The following SHTN1 variants were observed in gnomAD, a reference collection of about 807,000 sequenced individuals.
SHTN1 encodes the protein shootin 1, also known as shootin-1.
In SHTN1, 42 loss-of-function variants were observed where a neutral mutation model predicts 83.1. The observed-to-expected ratio is 0.51, with a 90% CI of 0.39 to 0.65. The LOEUF is 0.65. Ranked by LOEUF, SHTN1 falls within the 30% of genes least tolerant of loss-of-function variation. The probability of loss-of-function intolerance (pLI) is 0.00; values close to 1 mark genes in which losing one functional copy is unlikely to be tolerated. For missense variants in SHTN1, 622 were observed against 737.8 expected (o/e 0.84, Z 1.82); for synonymous variants, 224 against 247.7 (o/e 0.90, Z 0.90).
intron 2 of SHTN1, among the ~76,000 whole-genome samples, chr10:117,032,484 A>G (rs1323019681): frequency 6.6e-6 from 1 of 152,154 alleles, no homozygotes; most frequent in African/African-American, 2.4e-5. Context: ...GATTACAGAC[A>G]TGAGCCACTG....
Position 117,005,157 on chromosome 10 carries a change from A to C in SHTN1, c.-78T>G, listed in dbSNP as rs1222755369. The C allele has an allele frequency of 2.6e-6, 4 of 1,549,208 alleles. No homozygotes were observed. Among genetic ancestry groups the C allele is most frequent in the Non-Finnish European group, 3.5e-6 (4 of 1,146,364 alleles). On this transcript the variant is annotated 5_prime_UTR_variant, in exon 1 of 17. Coordinates refer to ENST00000355371, the MANE Select transcript of SHTN1 (RefSeq NM_001127211.3). ...ACAGGAGGAGGGGGAAGAAAAAGCAAGATGCCGGTGGCTTGCGGCTCCACT... is the reference window on the plus strand; with the variant it reads ...ACAGGAGGAGGGGGAAGAAAAAGCACGATGCCGGTGGCTTGCGGCTCCACT...
Position 117,069,401 on chromosome 10 carries a change from G to A in SHTN1, c.-188-20891C>T, listed in dbSNP as rs556846699. 2.8e-3 allele frequency among the ~76,000 whole-genome samples: 430 copies of A among 152,196 alleles called. 2 individuals carry two copies. The highest frequency in any genetic ancestry group is 0.01 in the African/African-American group (416 of 41,534). ...ACTCTCAAGTGGCCTGGCTCTGAAG[G>A]GGAGGTGAGGAGAGCTGTAGCTAAA... On this transcript the variant is annotated intron_variant, in intron 1 of 17. Transcript: ENST00000392901.
In SHTN1 at chr10:116,963,157, C is replaced by T. The variant is rs1483293102; in HGVS notation, c.173-2927G>A. On this transcript the variant is annotated intron_variant, in intron 3 of 16. Coordinates refer to ENST00000355371, the MANE Select transcript of SHTN1 (RefSeq NM_001127211.3). ...CGCAATCTCGGCTCACTGCAAGCTC[C>T]GCCTCCCGGGTTCACGCCATTCTCC... Among the ~76,000 whole-genome samples the T allele has an allele frequency of 8.5e-5, 12 of 140,854 alleles. No individual in the cohort carries two copies. In the East Asian group the frequency reaches 1.1e-3, roughly 12 times the overall value. The allele number at this position is 140,854 out of a possible 152,430, so 92.4% of individuals were successfully genotyped here.
At chr10:116,963,378 A>G (rs1009727795) in intron 3 of SHTN1, among the ~76,000 whole-genome samples, 4 of 151,010 alleles carry the variant, frequency 2.6e-5, no homozygotes, top group South Asian at 2.1e-4. Context: ...GGCCATAATA[A>G]AAGTTTTTTA....
intron 2 of SHTN1, among the ~76,000 whole-genome samples, chr10:117,023,047 T>C (rs1343855167): frequency 1.3e-5 from 2 of 152,234 alleles, no homozygotes; most frequent in African/African-American, 2.4e-5. Context: ...TTAATTTGAC[T>C]TAAGAATTTA....
At position 116,979,970 on chromosome 10, in the gene SHTN1, A is replaced by T. The variant is rs529477049; in HGVS notation, c.59-662T>A. 7.3e-4 allele frequency among the ~76,000 whole-genome samples: 111 copies of T among 151,986 alleles called. 2 individuals carry two copies. The South Asian group carries it at 0.022, about 30-fold the overall frequency. ...CAGTCACGACCAGAAATTCAGACTC[A>T]TTTCACTAAATGGGGAAGATATGTT... On this transcript the variant is annotated intron_variant, in intron 1 of 16. Coordinates refer to ENST00000355371, the MANE Select transcript of SHTN1 (RefSeq NM_001127211.3).
chr10:116,971,318 T>TA (rs1274613315), intron 2 of SHTN1, among the ~76,000 whole-genome samples: 18 of 152,178 alleles, frequency 1.2e-4, no homozygotes, highest in Non-Finnish European at 2.5e-4. Context: ...CCATCCTCTG[T>TA]AAAAAATAAT....
intron 8 of SHTN1, among the ~76,000 whole-genome samples, chr10:116,941,890 T>G (rs1471064383): frequency 6.6e-6 from 1 of 152,226 alleles, no homozygotes; most frequent in Non-Finnish European, 1.5e-5. Flanking sequence ...TCAGAAGCTT[T>G]CCTTCTTTGC....
At chr10:117,076,955 G>T (rs1228893097) in intron 1 of SHTN1, among the ~76,000 whole-genome samples, 3 of 152,130 alleles carry the variant, frequency 2.0e-5, no homozygotes, top group African/African-American at 7.2e-5. Context: ...CCTTTAGTGT[G>T]CTGACTTTAT....
chr10:117,070,066 T>G (rs1427033988), intron 1 of SHTN1, among the ~76,000 whole-genome samples: 1 of 150,908 alleles, frequency 6.6e-6, no homozygotes, highest in Non-Finnish European at 1.5e-5. Flanking sequence ...AAATCCATAA[T>G]GAAGATGAAT....
rs754935679 is a variant in SHTN1, at chr10:116,881,526, G to C, written c.*4818C>G. ...GTTACTTTAAATAGGTTTCAAAGAAGAACACACTTTTTTTTACTTTAATGA... is the reference window on the plus strand; with the variant it reads ...GTTACTTTAAATAGGTTTCAAAGAACAACACACTTTTTTTTACTTTAATGA... On this transcript the variant is annotated 3_prime_UTR_variant, in exon 17 of 17. Transcript: ENST00000355371. 14 of 1,542,476 alleles carry C rather than the reference G, an allele frequency of 9.1e-6. No homozygotes were observed. The South Asian group carries it at 1.3e-4, about 15-fold the overall frequency.
intron 2 of SHTN1, among the ~76,000 whole-genome samples, chr10:116,969,799 G>A (rs995751237): frequency 6.6e-6 from 1 of 152,060 alleles, no homozygotes; most frequent in Non-Finnish European, 1.5e-5. Context: ...TTATTATAAG[G>A]ACTGAATTCA....
At chr10:116,914,979 G>C (rs1280233221) in intron 13 of SHTN1, among the ~76,000 whole-genome samples, 7 of 152,218 alleles carry the variant, frequency 4.6e-5, no homozygotes, top group African/African-American at 1.7e-4. Flanking sequence ...AGCAAGGCGA[G>C]GGTTTTCGCC....
intron 2 of SHTN1, 54 bp from the exon 3 acceptor site, chr10:116,968,766 G>T: frequency 7.1e-7 from 1 of 1,413,526 alleles, no homozygotes; most frequent in South Asian, 1.2e-5. Flanking sequence ...TTTTAAGTTT[G>T]AAAAGGCAAG....
intron 2 of SHTN1, among the ~76,000 whole-genome samples, chr10:117,024,348 CTTTT>C (rs1174576153): frequency 0.022 from 1,708 of 77,652 alleles, 24 homozygotes; most frequent in South Asian, 0.075. Flanking sequence ...CAAAACTTTT[CTTTT>C]TTTTTTTTTT....
At chr10:117,060,806 A>C (rs1227052733) in intron 1 of SHTN1, among the ~76,000 whole-genome samples, 3 of 152,208 alleles carry the variant, frequency 2.0e-5, no homozygotes, top group Non-Finnish European at 4.4e-5. Flanking sequence ...TGTTACAGAA[A>C]ACTTGTGGTA....
chr10:117,020,572 A>G (rs1852246310), intron 2 of SHTN1, among the ~76,000 whole-genome samples: 1 of 151,954 alleles, frequency 6.6e-6, no homozygotes, highest in Non-Finnish European at 1.5e-5. Flanking sequence ...TGGGGAGAAG[A>G]AAGTCATTTC....
intron 12 of SHTN1, among the ~76,000 whole-genome samples, chr10:116,920,126 A>C (rs1167839813): frequency 6.6e-6 from 1 of 152,210 alleles, no homozygotes; most frequent in African/African-American, 2.4e-5. Context: ...ATGCTGTCAC[A>C]ATGCATGGTA....
Position 117,051,816 on chromosome 10 carries a change from A to G in SHTN1, c.-188-3306T>C, listed in dbSNP as rs1432357901. ...ACCTACAACTGACTTCATATACTCA[A>G]TGGTGAAATATTGAAAGATTTCCCA... On this transcript the variant is annotated intron_variant, in intron 1 of 17. Coordinates refer to the SHTN1 transcript ENST00000392901. Among the ~76,000 whole-genome samples, 6 of 151,724 alleles carry G rather than the reference A, an allele frequency of 4.0e-5. No individual in the cohort carries two copies. The East Asian group carries it at 7.8e-4, about 20-fold the overall frequency.
Sources: gnomAD v4.1 joint callset for allele counts (sites outside exome capture counted in the v4.1 genomes callset) on GRCh38, gnomAD v4.1.1 for gene constraint, MANE v1.5 for transcripts, NCBI Gene and HGNC (gene_info 2026-07-23, HGNC 2026-07-21) for gene names.